The following DPY19L2 variants were observed in gnomAD, a reference collection of about 807,000 sequenced individuals.
The protein encoded by DPY19L2 is probable C-mannosyltransferase DPY19L2.
Under a neutral mutation model 97.9 loss-of-function variants are expected in DPY19L2, and 34 were observed. The observed-to-expected ratio is 0.35, with a 90% confidence interval of 0.26 to 0.46. The LOEUF (loss-of-function observed/expected upper bound fraction) is 0.46. Ranked by LOEUF, DPY19L2 falls within the 20% of genes least tolerant of loss-of-function variation. The pLI is 1.00. For missense variants in DPY19L2, 623 were observed against 911.4 expected, an observed-to-expected ratio of 0.68 and a Z score of 4.07; for synonymous variants, 230 against 307.9, an observed-to-expected ratio of 0.75 and a Z score of 2.65.
At chr12:63,633,850 T>C (rs1287062764) in intron 6 of DPY19L2, among the ~76,000 whole-genome samples, 7 of 152,170 alleles carry the variant, frequency 4.6e-5, no homozygotes, top group Admixed American at 3.9e-4. Context: ...TAAGAAAATG[T>C]GGCACATATA....
chr12:63,630,409 T>C (rs933688591), intron 6 of DPY19L2, among the ~76,000 whole-genome samples: 10 of 151,216 alleles, frequency 6.6e-5, no homozygotes, highest in African/African-American at 2.4e-4. Context: ...AAGGCAGGGG[T>C]TGCAATCCTA....
upstream of DPY19L2, chr12:63,668,591 G>T: frequency 1.7e-6 from 1 of 604,034 alleles, no homozygotes; most frequent in Non-Finnish European, 2.9e-6. Context: ...GGCAGTCCCT[G>T]AGTGTCCCCT....
At chr12:63,646,975 C>G (rs1478539690) in intron 5 of DPY19L2, among the ~76,000 whole-genome samples, 1 of 152,074 alleles carries the variant, frequency 6.6e-6, no homozygotes, top group Non-Finnish European at 1.5e-5. Flanking sequence ...TCTGTATCTT[C>G]TCATTCTGAA....
intron 21 of DPY19L2, among the ~76,000 whole-genome samples, chr12:63,563,239 A>C (rs1228055210): frequency 3.3e-5 from 5 of 152,020 alleles, no homozygotes; most frequent in Non-Finnish European, 7.4e-5. Flanking sequence ...TCTTCCTAAC[A>C]CTGTTTATAA....
chr12:63,630,085 A>T (rs1890314433), intron 6 of DPY19L2, among the ~76,000 whole-genome samples: 1 of 152,194 alleles, frequency 6.6e-6, no homozygotes, highest in Non-Finnish European at 1.5e-5. Flanking sequence ...ATGGAAAGGA[A>T]CAACTGGTAC....
At chr12:63,649,030 C>G (rs1317445395) in intron 4 of DPY19L2, among the ~76,000 whole-genome samples, 1 of 152,002 alleles carries the variant, frequency 6.6e-6, no homozygotes, top group African/African-American at 2.4e-5. Context: ...GAACATCTCT[C>G]AAAACCACAT....
At chr12:63,583,896 A>G in intron 16 of DPY19L2, 60 bp from the exon 17 acceptor site, 1 of 1,418,600 alleles carries the variant, frequency 7.0e-7, no homozygotes, top group East Asian at 2.3e-5. Context: ...TGAATACATA[A>G]AAATAAGCTT....
At chr12:63,565,445 C>A (rs1237877503) in intron 21 of DPY19L2, among the ~76,000 whole-genome samples, 1 of 152,182 alleles carries the variant, frequency 6.6e-6, no homozygotes, top group African/African-American at 2.4e-5. Context: ...TCTACCATCA[C>A]ATCGCCTTTT....
intron 12 of DPY19L2, among the ~76,000 whole-genome samples, chr12:63,604,662 A>G (rs1296919996): frequency 3.3e-5 from 5 of 151,900 alleles, no homozygotes; most frequent in Non-Finnish European, 7.4e-5. Flanking sequence ...CAGTTATTGT[A>G]TTTTTCAGTT....
intron 12 of DPY19L2, among the ~76,000 whole-genome samples, chr12:63,604,718 G>A (rs1885754658): frequency 6.6e-6 from 1 of 151,962 alleles, no homozygotes; most frequent in African/African-American, 2.4e-5. Flanking sequence ...ATTCTGTGGT[G>A]AGCTTTTATA....
intron 12 of DPY19L2, among the ~76,000 whole-genome samples, chr12:63,604,109 T>C (rs934760218): frequency 2.0e-5 from 3 of 152,188 alleles, no homozygotes; most frequent in Admixed American, 2.0e-4. Context: ...TCCCCTTCAT[T>C]CCTAAAGGAA....
rs1253678754 is a variant in DPY19L2, at chr12:63,560,401, T to C, written c.*111A>G. On this transcript the variant is annotated 3_prime_UTR_variant, in exon 22 of 22. Coordinates refer to ENST00000324472, the MANE Select transcript of DPY19L2 (RefSeq NM_173812.5). ...AAATTTCCAATCCATTTTTATCTTATTTTTAAGTGTCTGTTATTAAAGCTT... is the reference window on the plus strand; with the variant it reads ...AAATTTCCAATCCATTTTTATCTTACTTTTAAGTGTCTGTTATTAAAGCTT... The C allele has an allele frequency of 4.6e-6, 6 of 1,308,880 alleles. 1 individual carries two copies. Among genetic ancestry groups the C allele is most frequent in the Non-Finnish European group, 6.1e-6 (6 of 984,800 alleles). The allele number at this position is 1,308,880 out of a possible 1,614,324, so 81.1% of individuals were successfully genotyped here.
At chr12:63,613,070 A>G (rs970075349) in intron 11 of DPY19L2, among the ~76,000 whole-genome samples, 4 of 152,086 alleles carry the variant, frequency 2.6e-5, no homozygotes, top group African/African-American at 9.7e-5. Flanking sequence ...AATTCTACCA[A>G]ATATTTAGGG....
In DPY19L2 at chr12:63,668,284, ATCT is replaced by A. The variant is rs1443310798; in HGVS notation, c.107_109del (p.Glu36_Met37delinsVal). On this transcript the variant is annotated inframe_deletion, in exon 1 of 22. Coordinates refer to ENST00000324472, the MANE Select transcript of DPY19L2 (RefSeq NM_173812.5). ...CCCGCCGCCTAGGGCCGACTTTTCC[ATCT>A]CCTCCTCTACCTCCGGCTCCCGGGC... 1 of 1,613,272 alleles carries A rather than the reference ATCT, an allele frequency of 6.2e-7. No homozygotes were observed. The highest frequency in any genetic ancestry group is 2.2e-5 in the East Asian group (1 of 44,780).
intron 21 of DPY19L2, among the ~76,000 whole-genome samples, chr12:63,561,089 T>A (rs1259401832): frequency 6.6e-5 from 10 of 152,158 alleles, no homozygotes; most frequent in Non-Finnish European, 1.5e-4. Flanking sequence ...TAGCATGAAA[T>A]GATCCAAGGC....
In DPY19L2 at chr12:63,590,990, G is replaced by T. The variant is rs535008804; in HGVS notation, c.1580+3097C>A. ...CCCTCTGCAATATATGAAGACAGTT[G>T]CCACATACCCTTCAATCTTCTATTA... On this transcript the variant is annotated intron_variant, in intron 16 of 21. Coordinates refer to ENST00000324472, the MANE Select transcript of DPY19L2 (RefSeq NM_173812.5). 172 of 449,402 alleles carry T rather than the reference G, an allele frequency of 3.8e-4. 1 individual carries two copies. Among genetic ancestry groups the T allele is most frequent in the South Asian group, 2.6e-3 (168 of 63,998 alleles). The allele number at this position is 449,402 out of a possible 1,614,324, so 27.8% of individuals were successfully genotyped here. A position where few individuals can be genotyped will look rare whatever the true frequency, so the allele number is the denominator to read the frequency against.
At chr12:63,650,364 G>A (rs914605777) in intron 4 of DPY19L2, among the ~76,000 whole-genome samples, 20 of 152,132 alleles carry the variant, frequency 1.3e-4, no homozygotes, top group Admixed American at 1.3e-3. Flanking sequence ...CATATAGGAA[G>A]ACGGGAATTC....
intron 2 of DPY19L2, among the ~76,000 whole-genome samples, chr12:63,664,197 C>T (rs1193310403): frequency 1.3e-5 from 2 of 151,984 alleles, no homozygotes; most frequent in Non-Finnish European, 2.9e-5. Context: ...ATTAGCCAGC[C>T]ATGGTAGTGC....
At chr12:63,641,793 G>A (rs1229998624) in intron 6 of DPY19L2, among the ~76,000 whole-genome samples, 1 of 152,142 alleles carries the variant, frequency 6.6e-6, no homozygotes, top group Non-Finnish European at 1.5e-5. Context: ...GTACACACAT[G>A]CAAGACTTTT....
Sources: gnomAD v4.1 joint callset for allele counts (sites outside exome capture counted in the v4.1 genomes callset) on GRCh38, gnomAD v4.1.1 for gene constraint, MANE v1.5 for transcripts, NCBI Gene and HGNC (gene_info 2026-07-23, HGNC 2026-07-21) for gene names.